Variants in SCD5 observed in about 807,000 individuals in gnomAD.
The protein encoded by SCD5 is acyl-CoA-desaturase 4.
Under a neutral mutation model 30.4 loss-of-function variants are expected in SCD5, and 20 were observed. The observed-to-expected ratio is 0.66, with a 90% CI of 0.46 to 0.96. The LOEUF is 0.96. Ranked by LOEUF, SCD5 falls within the 40% of genes least tolerant of loss-of-function variation. The pLI, the probability that SCD5 is intolerant of heterozygous loss-of-function variation, is 0.00. For missense variants in SCD5, 381 were observed against 443.3 expected (o/e 0.86, Z 1.26); for synonymous variants, 173 against 176.4 (o/e 0.98, Z 0.16).
chr4:82,763,869 A>G (rs1721430365), intron 1 of SCD5, among the ~76,000 whole-genome samples: 5 of 152,252 alleles, frequency 3.3e-5, no homozygotes, highest in Admixed American at 3.3e-4. Context: ...CCCAGCAGCA[A>G]CAATATAATC....
chr4:82,679,962 T>C (rs1173291902), intron 3 of SCD5, among the ~76,000 whole-genome samples: 1 of 152,212 alleles, frequency 6.6e-6, no homozygotes. Context: ...ATGGTCCATA[T>C]GTTGCCCATC....
At chr4:82,727,425 T>C (rs2148834314) in intron 1 of SCD5, among the ~76,000 whole-genome samples, 1 of 152,292 alleles carries the variant, frequency 6.6e-6, no homozygotes, top group African/African-American at 2.4e-5. Context: ...AGTATACAGG[T>C]CCCACTCCTG....
chr4:82,679,233 A>AG (rs1728505439), intron 3 of SCD5, among the ~76,000 whole-genome samples: 1 of 112,058 alleles, frequency 8.9e-6, no homozygotes. Flanking sequence ...AGAAAGAAAG[A>AG]AAGAAAGAAA....
At chr4:82,669,932 T>G (rs192674255) in intron 3 of SCD5, among the ~76,000 whole-genome samples, 1 of 152,004 alleles carries the variant, frequency 6.6e-6, no homozygotes, top group Non-Finnish European at 1.5e-5. Context: ...GAGAAGAAAC[T>G]AAGAAACACT....
chr4:82,680,651 C>T, intron 3 of SCD5, 56 bp downstream of exon 3: 9 of 1,521,204 alleles, frequency 5.9e-6, no homozygotes, highest in Non-Finnish European at 8.2e-6. Flanking sequence ...CCTCATTGTG[C>T]TGTTTCTATG....
At position 82,656,137 on chromosome 4, in the gene SCD5, T is replaced by C. The variant is rs369734436; in HGVS notation, c.570-19314A>G. The stretch of plus-strand genomic sequence containing the variant: ...ATTATACTTTAAGTTCTGGGATACA[T>C]TGCAGAATGTACAGATTTGTTACAT... On this transcript the variant is annotated intron_variant, in intron 3 of 4. Transcript: ENST00000319540. Among the ~76,000 whole-genome samples, 34 of 152,136 alleles carry C rather than the reference T, an allele frequency of 2.2e-4. 1 individual carries two copies. Among genetic ancestry groups the C allele is most frequent in the African/African-American group, 2.4e-4 (10 of 41,428 alleles).
At position 82,798,384 on chromosome 4, in the gene SCD5, G is replaced by A. The variant is rs1468690167; in HGVS notation, c.154C>T (p.Leu52=). 2.5e-6 allele frequency: 4 copies of A among 1,613,514 alleles called. No homozygotes were observed. The highest frequency in any genetic ancestry group is 1.1e-5 in the South Asian group (1 of 91,060). The change falls in exon 1 of 5, where the codon CTG becomes TTG. Residue 52 remains leucine, a synonymous_variant. Coordinates refer to ENST00000319540, the MANE Select transcript of SCD5 (RefSeq NM_001037582.3). ...GCCCCCAAGTGGAGCAAGCTCATCA[G>A]GACGACATTCCTCCAGACGATGTTC... ...RQNIVWRNVV[L]MSLLHLGAVY...
At chr4:82,720,445 A>AAAAAAAAAAAAAAAAAAAAAAAAAAAC (rs1720345894) in intron 1 of SCD5, among the ~76,000 whole-genome samples, 1 of 145,476 alleles carries the variant, frequency 6.9e-6, no homozygotes, top group African/African-American at 2.7e-5. Flanking sequence ...CAAAAATAAA[A>AAAAAAAAAAAAAAAAAAAAAAAAAAAC]AAAAAAAAAA....
At chr4:82,796,247 G>A (rs542322024) in intron 1 of SCD5, among the ~76,000 whole-genome samples, 136 of 150,080 alleles carry the variant, frequency 9.1e-4, no homozygotes, top group South Asian at 1.7e-3. Context: ...TCCAGCCTGG[G>A]CGACAGAGCG....
intron 1 of SCD5, among the ~76,000 whole-genome samples, chr4:82,791,164 G>A (rs1722092516): frequency 6.6e-6 from 1 of 152,076 alleles, no homozygotes. Context: ...CTTGAACCCG[G>A]GAGATGGAGG....
intron 4 of SCD5, among the ~76,000 whole-genome samples, chr4:82,634,463 C>T (rs573695406): frequency 1.3e-5 from 2 of 149,968 alleles, no homozygotes; most frequent in East Asian, 3.9e-4. Flanking sequence ...AAATTTATGC[C>T]ATCCCTACCC....
At chr4:82,661,045 A>G (rs201440011) in intron 3 of SCD5, 10 of 1,613,894 alleles carry the variant, frequency 6.2e-6, no homozygotes, top group African/African-American at 2.7e-5. Context: ...CTCTTGATTG[A>G]GAGCTCTTCC....
chr4:82,767,503 G>A (rs1352541149), intron 1 of SCD5, among the ~76,000 whole-genome samples: 1 of 152,064 alleles, frequency 6.6e-6, no homozygotes, highest in Non-Finnish European at 1.5e-5. Context: ...GGAGATCTCC[G>A]TCCTGTTCTG....
chr4:82,755,337 T>C (rs1721212677), intron 1 of SCD5, among the ~76,000 whole-genome samples: 1 of 152,038 alleles, frequency 6.6e-6, no homozygotes, highest in African/African-American at 2.4e-5. Flanking sequence ...CAGTGTCTAC[T>C]AAAAATACAA....
At chr4:82,777,587 T>C (rs1172985574) in intron 1 of SCD5, among the ~76,000 whole-genome samples, 1 of 152,228 alleles carries the variant, frequency 6.6e-6, no homozygotes, top group African/African-American at 2.4e-5. Flanking sequence ...CATGCGTGGT[T>C]AAATGCACTG....
intron 3 of SCD5, among the ~76,000 whole-genome samples, chr4:82,657,282 G>T (rs1378221600): frequency 1.3e-5 from 2 of 152,178 alleles, no homozygotes; most frequent in East Asian, 3.8e-4. Context: ...TATACAAGGT[G>T]TAAGGAAAGG....
At chr4:82,683,446 A>T (rs1728623111) in intron 2 of SCD5, among the ~76,000 whole-genome samples, 1 of 152,244 alleles carries the variant, frequency 6.6e-6, no homozygotes, top group Non-Finnish European at 1.5e-5. Flanking sequence ...CTTAGAGGAC[A>T]TTTATATAAG....
At chr4:82,656,547 G>T (rs1056842059) in intron 3 of SCD5, among the ~76,000 whole-genome samples, 1 of 152,134 alleles carries the variant, frequency 6.6e-6, no homozygotes, top group Non-Finnish European at 1.5e-5. Flanking sequence ...TGTGAATAGT[G>T]CTGCAATAAA....
chr4:82,711,542 T>C (rs1326319358), intron 1 of SCD5, among the ~76,000 whole-genome samples: 3 of 152,144 alleles, frequency 2.0e-5, no homozygotes, highest in African/African-American at 7.2e-5. Context: ...GGCAAAACAC[T>C]GTATCTACAA....
Sources: gnomAD v4.1 joint callset for allele counts (sites outside exome capture counted in the v4.1 genomes callset) on GRCh38, gnomAD v4.1.1 for gene constraint, MANE v1.5 for transcripts, NCBI Gene and HGNC (gene_info 2026-07-23, HGNC 2026-07-21) for gene names.